The following DPP6 variants were observed in gnomAD, a reference collection of about 807,000 sequenced individuals.
The protein encoded by DPP6 is dipeptidyl peptidase like 6.
In DPP6, 69 loss-of-function variants were observed where a neutral mutation model predicts 122.6. The observed-to-expected ratio is 0.56, with a 90% CI of 0.46 to 0.69. DPP6 has a LOEUF of 0.69. Among genes scored for constraint, DPP6 ranks in the 30% least tolerant of loss-of-function variants. The pLI is 0.00. For synonymous variants in DPP6, 418 were observed against 433.1 expected (o/e 0.97, Z 0.43); for missense variants, 928 against 1,116.9 (o/e 0.83, Z 2.41).
rs1249858068 is a variant in DPP6, at chr7:154,060,969, G to A, written c.243+7906G>A. Among the ~76,000 whole-genome samples, 3 of 148,716 alleles carry A rather than the reference G, an allele frequency of 2.0e-5. 1 individual carries two copies. Among genetic ancestry groups the A allele is most frequent in the Non-Finnish European group, 4.5e-5 (3 of 66,086 alleles). On this transcript the variant is annotated intron_variant, in intron 1 of 25. Coordinates refer to ENST00000377770, the MANE Select transcript of DPP6 (RefSeq NM_130797.4). ...CCCATCGTTGATGTTAAGATCCTTAGGACCCACCTGGAGGACTGTGGGTAT... is the reference window on the plus strand; with the variant it reads ...CCCATCGTTGATGTTAAGATCCTTAAGACCCACCTGGAGGACTGTGGGTAT...
intron 8 of DPP6, among the ~76,000 whole-genome samples, chr7:154,766,467 C>T (rs951769630): frequency 2.0e-5 from 3 of 152,020 alleles, no homozygotes; most frequent in East Asian, 3.9e-4. Flanking sequence ...GGTGTGCGCC[C>T]AGCTAATTTT....
chr7:153,810,671 C>CCTCTCT, the DPP6 span, among the ~76,000 whole-genome samples: 5,015 of 124,428 alleles, frequency 0.04, 133 homozygotes, highest in Middle Eastern at 0.059. Context: ...CTCTCTCTCT[C>CCTCTCT]CTCTCTCTCT....
intron 2 of DPP6, among the ~76,000 whole-genome samples, chr7:154,470,302 A>T (rs548220868): frequency 6.6e-6 from 1 of 152,316 alleles, no homozygotes; most frequent in South Asian, 2.1e-4. Context: ...TATGGTGGGG[A>T]TCAGGAGAGA....
chr7:153,859,452 C>T, the DPP6 span, among the ~76,000 whole-genome samples: 1 of 152,120 alleles, frequency 6.6e-6, no homozygotes, highest in Non-Finnish European at 1.5e-5. Flanking sequence ...GCTGTCTAGA[C>T]CATGTTGTGC....
At chr7:154,674,991 T>C (rs1838796058) in intron 7 of DPP6, among the ~76,000 whole-genome samples, 1 of 152,216 alleles carries the variant, frequency 6.6e-6, no homozygotes, top group African/African-American at 2.4e-5. Context: ...ATGGGAGATT[T>C]GAGTCAGACT....
chr7:154,330,244 T>C (rs188134175), intron 1 of DPP6, among the ~76,000 whole-genome samples: 1 of 152,300 alleles, frequency 6.6e-6, no homozygotes, highest in Admixed American at 6.5e-5. Context: ...TTCTTAACTG[T>C]AGTTAGTTCT....
rs371101536 is a variant in DPP6 at position 154,058,099 on chromosome 7, T to G, written c.243+5036T>G. The G allele has an allele frequency of 8.6e-5, 11 of 127,198 alleles. 1 individual carries two copies. The highest frequency in any genetic ancestry group is 1.4e-4 in the Non-Finnish European group (8 of 57,586). 7.9% of individuals were successfully genotyped at this position (127,198 alleles called of 1,614,324 possible). ...TGCGGGTGGAGGGAGGCATCCCCCA[T>G]GAGGCGGGGACTCAGAGCCAACCCC... On this transcript the variant is annotated intron_variant, in intron 1 of 25. Coordinates refer to ENST00000377770, the MANE Select transcript of DPP6 (RefSeq NM_130797.4).
chr7:154,320,565 C>A (rs1202275201), intron 1 of DPP6, among the ~76,000 whole-genome samples: 3 of 152,116 alleles, frequency 2.0e-5, no homozygotes, highest in Non-Finnish European at 4.4e-5. Context: ...CTCACAGCAA[C>A]CCCTGCCTTC....
intron 6 of DPP6, among the ~76,000 whole-genome samples, chr7:154,653,173 T>C (rs751085102): frequency 1.3e-5 from 2 of 152,148 alleles, no homozygotes; most frequent in Non-Finnish European, 2.9e-5. Flanking sequence ...TTAACACATA[T>C]GATGTAAGGT....
chr7:154,697,351 C>A (rs951145682), intron 7 of DPP6, among the ~76,000 whole-genome samples: 1 of 152,190 alleles, frequency 6.6e-6, no homozygotes, highest in Non-Finnish European at 1.5e-5. Flanking sequence ...TCCTCCCCTG[C>A]GAGGCTCCTC....
At chr7:154,578,125 A>G (rs1831804918) in intron 5 of DPP6, among the ~76,000 whole-genome samples, 1 of 152,092 alleles carries the variant, frequency 6.6e-6, no homozygotes, top group African/African-American at 2.4e-5. Context: ...AAATTAGAAA[A>G]CCATTTCTTG....
At chr7:154,150,648 G>T (rs1012925559) in intron 1 of DPP6, among the ~76,000 whole-genome samples, 1 of 152,374 alleles carries the variant, frequency 6.6e-6, no homozygotes, top group South Asian at 2.1e-4. Context: ...ATGGCTTCCA[G>T]TAAGCACCTG....
intron 16 of DPP6, chr7:154,838,511 C>T (rs1000928497): frequency 1.3e-5 from 2 of 152,190 alleles, no homozygotes; most frequent in African/African-American, 4.8e-5. Context: ...CAAGAGCCAC[C>T]GTGGAATAGC....
chr7:154,292,688 C>T (rs1216086340), intron 1 of DPP6, among the ~76,000 whole-genome samples: 1 of 152,152 alleles, frequency 6.6e-6, no homozygotes, highest in Non-Finnish European at 1.5e-5. Context: ...AAGAGAAATG[C>T]TTTAGAATAA....
At chr7:153,860,513 C>T in the DPP6 span, among the ~76,000 whole-genome samples, 9 of 152,314 alleles carry the variant, frequency 5.9e-5, no homozygotes, top group East Asian at 9.7e-4. Context: ...CCTTGCCGTT[C>T]GGCCACCCTT....
At chr7:154,142,399 C>T (rs1388157980) in intron 1 of DPP6, among the ~76,000 whole-genome samples, 1 of 152,122 alleles carries the variant, frequency 6.6e-6, no homozygotes, top group Non-Finnish European at 1.5e-5. Context: ...TAAATAAACA[C>T]AGTTCCATGT....
chr7:154,462,518 T>G (rs1380779040), intron 2 of DPP6, among the ~76,000 whole-genome samples: 1 of 152,194 alleles, frequency 6.6e-6, no homozygotes, highest in Non-Finnish European at 1.5e-5. Context: ...TTATTTTTTA[T>G]GTCTGCTTCC....
At chr7:153,789,744 G>A in the DPP6 span, among the ~76,000 whole-genome samples, 11 of 152,114 alleles carry the variant, frequency 7.2e-5, no homozygotes, top group African/African-American at 2.2e-4. Context: ...ACTGGAACTG[G>A]GACTTTTACC....
chr7:154,249,599 C>T (rs1802218850), intron 1 of DPP6, among the ~76,000 whole-genome samples: 2 of 152,042 alleles, frequency 1.3e-5, no homozygotes, highest in South Asian at 4.2e-4. Flanking sequence ...TTGTTTTGTG[C>T]TTGTCTTGGC....
Sources: allele counts gnomAD v4.1 joint callset (sites outside exome capture counted in the v4.1 genomes callset), GRCh38; gene constraint gnomAD v4.1.1; transcripts MANE v1.5; gene names NCBI Gene and HGNC (gene_info 2026-07-23, HGNC 2026-07-21).